The following FHL2 variants were observed in gnomAD, a reference collection of about 807,000 sequenced individuals.
FHL2 encodes four and a half LIM domains 2.
In FHL2, 20 loss-of-function variants were observed where a neutral mutation model predicts 32.7. The observed-to-expected ratio is 0.61, with a 90% confidence interval of 0.43 to 0.89. The LOEUF (loss-of-function observed/expected upper bound fraction) is 0.89, where lower values mean the gene tolerates loss of function less well. Among genes scored for constraint, FHL2 ranks in the 40% least tolerant of loss-of-function variants. The pLI is 0.00. For missense variants in FHL2, 311 were observed against 358.6 expected, an observed-to-expected ratio of 0.87 and a Z score of 1.07; for synonymous variants, 123 against 128.1, an observed-to-expected ratio of 0.96 and a Z score of 0.27.
rs568775376 is a variant in FHL2, at chr2:105,405,794, C to T, written c.-24-19254G>A. 9.8e-4 allele frequency among the ~76,000 whole-genome samples: 149 copies of T among 152,358 alleles called. 1 individual carries two copies. The highest frequency in any genetic ancestry group is 2.7e-3 in the South Asian group (13 of 4,828). ...GCTCTAGGAGGCAGGGGGTGAACCC[C>T]AGGTCCAGGAGCTCCTATGGAGCAG... On this transcript the variant is annotated intron_variant, in intron 1 of 5. Transcript: ENST00000393352.
rs374383740 is a variant in FHL2 at position 105,373,605 on chromosome 2, G to C, written c.285C>G (p.Asn95Lys). ...DQLLCTDCYSNEYSSKCQECK... is the reference protein window; with the variant it reads ...DQLLCTDCYSKEYSSKCQECK... ...ATTCCTGGCACTTGGATGAGTACTC[G>C]TTGGAATAGCAGTCTGTACAGAGCA... is the stretch of plus-strand genomic sequence containing the variant. Residue 95 changes from asparagine to lysine, a missense_variant, in exon 4 of 7, where the codon AAC becomes AAG. Physicochemically the swap from Asn to Lys is moderately conservative, Grantham distance 94. Transcript: ENST00000530340. 6.5e-5 allele frequency: 105 copies of C among 1,614,118 alleles called. No individual in the cohort carries two copies. Among genetic ancestry groups the C allele is most frequent in the Non-Finnish European group, 8.5e-5 (100 of 1,180,040 alleles).
At chr2:105,371,734 A>G (rs903131415) in intron 4 of FHL2, among the ~76,000 whole-genome samples, 3 of 152,184 alleles carry the variant, frequency 2.0e-5, no homozygotes, top group African/African-American at 7.2e-5. Flanking sequence ...AAGTCTTTAA[A>G]CAGCCCCTAG....
chr2:105,359,912 C>G (rs1057104230), downstream of FHL2: 1 of 152,192 alleles, frequency 6.6e-6, no homozygotes, highest in Non-Finnish European at 1.5e-5. Flanking sequence ...AGCCGATAAG[C>G]TCTGCCAAGA....
rs564514686 is a variant in FHL2, at chr2:105,435,824, A to C, written c.-25+2575T>G. On this transcript the variant is annotated intron_variant, in intron 1 of 5. Transcript: ENST00000393352. ...GTGACAGAGTGAGACTCCTTCTCAAAACATAAATAAATAAATAAACAAACA... is the reference window on the plus strand; with the variant it reads ...GTGACAGAGTGAGACTCCTTCTCAACACATAAATAAATAAATAAACAAACA... Among the ~76,000 whole-genome samples, 7 of 152,298 alleles carry C rather than the reference A, an allele frequency of 4.6e-5. No individual in the cohort carries two copies. In the East Asian group the frequency reaches 1.4e-3, roughly 29 times the overall value.
At chr2:105,408,555 A>G (rs1683703641) in intron 1 of FHL2, among the ~76,000 whole-genome samples, 1 of 152,162 alleles carries the variant, frequency 6.6e-6, no homozygotes, top group Non-Finnish European at 1.5e-5. Context: ...TCGAGAATTC[A>G]TTTATTTTGG....
At chr2:105,423,785 C>A (rs1480093996) in intron 1 of FHL2, among the ~76,000 whole-genome samples, 1 of 152,132 alleles carries the variant, frequency 6.6e-6, no homozygotes, top group Non-Finnish European at 1.5e-5. Flanking sequence ...AAAGGATTCC[C>A]AATTATATAA....
At chr2:105,404,016 T>G (rs1683554304), upstream of FHL2, among the ~76,000 whole-genome samples, 1 of 152,062 alleles carries the variant, frequency 6.6e-6, no homozygotes, top group African/African-American at 2.4e-5. Flanking sequence ...GGGGGGAGGC[T>G]GGTGGGCTAG....
chr2:105,422,062 C>A (rs886205708), intron 1 of FHL2, among the ~76,000 whole-genome samples: 3 of 152,206 alleles, frequency 2.0e-5, no homozygotes, highest in African/African-American at 4.8e-5. Flanking sequence ...CGGTGGAGGG[C>A]AGTCCTTCCC....
intron 1 of FHL2, among the ~76,000 whole-genome samples, chr2:105,437,255 A>G (rs1052281284): frequency 6.6e-6 from 1 of 152,202 alleles, no homozygotes; most frequent in African/African-American, 2.4e-5. Flanking sequence ...GTTAAATACA[A>G]AAACTTGTGT....
intron 1 of FHL2, among the ~76,000 whole-genome samples, chr2:105,435,660 A>G (rs1235200175): frequency 3.9e-5 from 6 of 151,992 alleles, no homozygotes; most frequent in Non-Finnish European, 7.4e-5. Flanking sequence ...TGTCTTCACT[A>G]AAAAAACAAA....
chr2:105,435,808 TGA>T (rs1684591372), intron 1 of FHL2, among the ~76,000 whole-genome samples: 2 of 152,026 alleles, frequency 1.3e-5, no homozygotes, highest in Non-Finnish European at 2.9e-5. Context: ...GGTGACAGAG[TGA>T]GACTCCTTCT....
At chr2:105,393,498 A>G (rs1682884352) in intron 2 of FHL2, among the ~76,000 whole-genome samples, 1 of 152,202 alleles carries the variant, frequency 6.6e-6, no homozygotes, top group Non-Finnish European at 1.5e-5. Flanking sequence ...AAAATACATT[A>G]TAAAAGTGCA....
intron 3 of FHL2, among the ~76,000 whole-genome samples, chr2:105,381,370 G>A (rs893786057): frequency 3.9e-5 from 6 of 152,048 alleles, no homozygotes; most frequent in African/African-American, 1.4e-4. Context: ...CAATTACCCC[G>A]ACAGTCCCGT....
intron 2 of FHL2, among the ~76,000 whole-genome samples, chr2:105,391,244 G>T (rs538104532): frequency 6.6e-4 from 101 of 152,236 alleles, no homozygotes; most frequent in Middle Eastern, 6.8e-3. Context: ...TGAATAAAAT[G>T]CAGGCCCCTC....
intron 1 of FHL2, among the ~76,000 whole-genome samples, chr2:105,433,546 G>A (rs1684502188): frequency 6.6e-6 from 1 of 152,172 alleles, no homozygotes; most frequent in Non-Finnish European, 1.5e-5. Flanking sequence ...TGGGATTAGT[G>A]TGAAACTGGC....
intron 5 of FHL2, among the ~76,000 whole-genome samples, chr2:105,366,057 A>C (rs1680609311): frequency 6.6e-6 from 1 of 151,466 alleles, no homozygotes; most frequent in Non-Finnish European, 1.5e-5. Flanking sequence ...AATACAAAAA[A>C]AACCGGCTGG....
chr2:105,430,649 C>G lies in FHL2; in HGVS notation c.-25+7750G>C, dbSNP rs192434380. Among the ~76,000 whole-genome samples the G allele has an allele frequency of 5.9e-5, 9 of 152,318 alleles. No individual in the cohort carries two copies. In the East Asian group the frequency reaches 1.7e-3, roughly 29 times the overall value. ...CGCCACTGCACTCCAGCCTGGGCAA[C>G]AAGAGCGAAACTCCATCTAACAAAA... is the stretch of plus-strand genomic sequence containing the variant. On this transcript the variant is annotated intron_variant, in intron 1 of 5. Transcript: ENST00000393352.
At chr2:105,418,927 C>T (rs1427542690) in intron 1 of FHL2, among the ~76,000 whole-genome samples, 2 of 152,168 alleles carry the variant, frequency 1.3e-5, no homozygotes, top group African/African-American at 2.4e-5. Flanking sequence ...TATGTATACA[C>T]AGGAAAAAAC....
At chr2:105,411,315 A>G (rs1463721829) in intron 1 of FHL2, among the ~76,000 whole-genome samples, 1 of 152,238 alleles carries the variant, frequency 6.6e-6, no homozygotes, top group Non-Finnish European at 1.5e-5. Context: ...AGATAAAGAC[A>G]AATTGTAACT....
Sources: gnomAD v4.1 joint callset for allele counts (sites outside exome capture counted in the v4.1 genomes callset) on GRCh38, gnomAD v4.1.1 for gene constraint, MANE v1.5 for transcripts, NCBI Gene and HGNC (gene_info 2026-07-23, HGNC 2026-07-21) for gene names.